Variants in ATP9B observed in about 807,000 individuals in gnomAD.
ATP9B encodes the protein ATPase phospholipid transporting 9B.
ATP9B carries 110 observed loss-of-function variants against 146.1 expected under a neutral mutation model. The observed-to-expected ratio is 0.75, with a 90% CI of 0.65 to 0.88. ATP9B has a LOEUF of 0.88. Ranked by LOEUF, ATP9B falls within the 40% of genes least tolerant of loss-of-function variation. The pLI is 0.00. For synonymous variants in ATP9B, 604 were observed against 569.7 expected, an observed-to-expected ratio of 1.06 and a Z score of -0.86; for missense variants, 1,499 against 1,496.4, an observed-to-expected ratio of 1.00 and a Z score of -0.03.
At chr18:79,211,653 A>T (rs1200306684) in intron 10 of ATP9B, among the ~76,000 whole-genome samples, 2 of 152,246 alleles carry the variant, frequency 1.3e-5, no homozygotes, top group Admixed American at 1.3e-4. Context: ...TTGAAGATTA[A>T]GTGCTCCTAA....
chr18:79,175,023 A>G (rs1271407269), intron 7 of ATP9B, among the ~76,000 whole-genome samples: 1 of 151,854 alleles, frequency 6.6e-6, no homozygotes, highest in Non-Finnish European at 1.5e-5. Context: ...ACATGGTGAA[A>G]CCCTGTCTCT....
In ATP9B at chr18:79,376,208, C is replaced by A. The variant is rs397842750; in HGVS notation, c.3307+782C>A. The stretch of plus-strand genomic sequence containing the variant: ...ACACACACACACACACACACACACA[C>A]ACACACAAAACAAAACAAAAAAATG... On this transcript the variant is annotated intron_variant, in intron 29 of 29. Transcript: ENST00000426216. 1.5e-3 allele frequency: 1,368 copies of A among 928,588 alleles called. 11 individuals are homozygous for A. The African/African-American group carries it at 0.019, about 13-fold the overall frequency. The allele number at this position is 928,588 out of a possible 1,614,324, so 57.5% of individuals were successfully genotyped here. A position where few individuals can be genotyped will look rare whatever the true frequency, so the allele number is the denominator to read the frequency against.
intron 7 of ATP9B, among the ~76,000 whole-genome samples, chr18:79,171,944 T>C (rs574900560): frequency 6.6e-6 from 1 of 152,004 alleles, no homozygotes; most frequent in East Asian, 1.9e-4. Flanking sequence ...GCTGGAGTGC[T>C]ATGGCGCGAT....
chr18:79,336,567 C>T, intron 17 of ATP9B, 61 bp from the exon 18 acceptor site: 8 of 1,509,596 alleles, frequency 5.3e-6, no homozygotes, highest in Non-Finnish European at 7.3e-6. Flanking sequence ...CTGCCCTGGC[C>T]CCACACACGG....
chr18:79,298,630 G>A (rs933081216), intron 13 of ATP9B, among the ~76,000 whole-genome samples: 1 of 147,030 alleles, frequency 6.8e-6, no homozygotes, highest in African/African-American at 2.5e-5. Flanking sequence ...GATAGCTGAA[G>A]TGACTTTGAC....
chr18:79,126,005 C>T (rs983697946), intron 4 of ATP9B, among the ~76,000 whole-genome samples: 4 of 152,026 alleles, frequency 2.6e-5, no homozygotes, highest in Admixed American at 1.3e-4. Flanking sequence ...CTTTGGGTTA[C>T]TAGGTATTTT....
At chr18:79,338,899 G>A (rs2096841549) in intron 19 of ATP9B, among the ~76,000 whole-genome samples, 1 of 152,232 alleles carries the variant, frequency 6.6e-6, no homozygotes, top group Non-Finnish European at 1.5e-5. Context: ...GAAGGACAGT[G>A]TCAGAAGTCA....
Position 79,337,294 on chromosome 18 carries a change from G to T in ATP9B, c.2128G>T (p.Ala710Ser). ...CTGTCCCCAGAGCCGATACACTCAA[G>T]CCAAGCTGAGCATGCACGACAGGTC... ...YQDFESRYTQAKLSMHDRSLK... is the reference protein window; with the variant it reads ...YQDFESRYTQSKLSMHDRSLK... The change falls in exon 19 of 30, where the codon GCC becomes TCC. Residue 710 changes from alanine to serine, a missense_variant. Transcript: ENST00000426216. 6.2e-7 allele frequency: 1 copy of T among 1,613,966 alleles called. No individual in the cohort carries two copies.
At chr18:79,217,657 G>A (rs1458256920) in intron 11 of ATP9B, among the ~76,000 whole-genome samples, 1 of 152,212 alleles carries the variant, frequency 6.6e-6, no homozygotes, top group African/African-American at 2.4e-5. Context: ...GGAAGCCTCG[G>A]TATTGATACA....
At chr18:79,236,662 A>T (rs1238081663) in intron 11 of ATP9B, among the ~76,000 whole-genome samples, 2 of 152,248 alleles carry the variant, frequency 1.3e-5, no homozygotes, top group Non-Finnish European at 2.9e-5. Context: ...CAGTTGACCC[A>T]GAAGTGATTG....
Position 79,083,867 on chromosome 18 carries a change from T to TC in ATP9B, c.120-12609_120-12608insC, listed in dbSNP as rs200399093. 8.8e-3 allele frequency among the ~76,000 whole-genome samples: 1,289 copies of TC among 145,874 alleles called. 20 individuals are homozygous for TC. The highest frequency in any genetic ancestry group is 0.031 in the African/African-American group (1,245 of 40,372). The stretch of plus-strand genomic sequence containing the variant: ...CTGTTCCTATTGACCATCTTCTTCT[T>TC]TTTTTTTTTTTTTTGAGAGGGAGTC... On this transcript the variant is annotated intron_variant, in intron 1 of 29. Transcript: ENST00000426216.
intron 13 of ATP9B, among the ~76,000 whole-genome samples, chr18:79,287,451 G>A (rs967085056): frequency 4.6e-5 from 7 of 152,168 alleles, no homozygotes; most frequent in Non-Finnish European, 7.3e-5. Flanking sequence ...ATTTCTGTGA[G>A]ATCGGTGGTG....
intron 11 of ATP9B, 67 bp downstream of exon 11, chr18:79,214,105 A>G: frequency 9.2e-7 from 1 of 1,087,384 alleles, no homozygotes; most frequent in Admixed American, 2.8e-5. Flanking sequence ...AAGTCTGCAT[A>G]GTTCTGAATA....
chr18:79,098,523 A>G (rs1285705334), intron 2 of ATP9B, among the ~76,000 whole-genome samples: 1 of 151,398 alleles, frequency 6.6e-6, no homozygotes, highest in Non-Finnish European at 1.5e-5. Flanking sequence ...AATGAACTCA[A>G]ACAAATTTAC....
intron 8 of ATP9B, among the ~76,000 whole-genome samples, chr18:79,190,964 T>C (rs1176218039): frequency 6.6e-6 from 1 of 152,196 alleles, no homozygotes; most frequent in African/African-American, 2.4e-5. Context: ...AAGATATGAG[T>C]TTCTGCCTGA....
rs192476514 is a variant in ATP9B at position 79,237,629 on chromosome 18, C to G, written c.1108-15752C>G. Among the ~76,000 whole-genome samples, 46 of 147,938 alleles carry G rather than the reference C, an allele frequency of 3.1e-4. No homozygotes were observed. In the East Asian group the frequency reaches 8.7e-3, roughly 28 times the overall value. Reference sequence around the variant, plus strand: ...TTCAATAATGTCTTATGATTGTTCTCTGTAGAGGTTGGTATACCTTTTGTT... The same window carrying G: ...TTCAATAATGTCTTATGATTGTTCTGTGTAGAGGTTGGTATACCTTTTGTT... On this transcript the variant is annotated intron_variant, in intron 11 of 29. Transcript: ENST00000426216.
intron 12 of ATP9B, chr18:79,254,721 C>T (rs1490097558): frequency 2.0e-5 from 3 of 152,780 alleles, no homozygotes; most frequent in Non-Finnish European, 2.9e-5. Flanking sequence ...TCTCCTCTCC[C>T]ACCACACTGC....
At position 79,252,337 on chromosome 18, in the gene ATP9B, G is replaced by A. The variant is rs552283758; in HGVS notation, c.1108-1044G>A. 1.4e-4 allele frequency among the ~76,000 whole-genome samples: 21 copies of A among 152,340 alleles called. No individual in the cohort carries two copies. The South Asian group carries it at 4.1e-3, about 30-fold the overall frequency. ...GTTATGCCGCTAAGTGGCAGGGCCA[G>A]CATCTAAATTAGCCTAAATCCAGAG... On this transcript the variant is annotated intron_variant, in intron 11 of 29. Transcript: ENST00000426216.
intron 29 of ATP9B, chr18:79,375,915 T>C (rs1435265216): frequency 1.0e-6 from 1 of 985,288 alleles, no homozygotes; most frequent in African/African-American, 1.7e-5. Flanking sequence ...AGATTCGAAG[T>C]ATGTAAATCT....
Sources: gnomAD v4.1 joint callset for allele counts (sites outside exome capture counted in the v4.1 genomes callset) on GRCh38, gnomAD v4.1.1 for gene constraint, MANE v1.5 for transcripts, NCBI Gene and HGNC (gene_info 2026-07-23, HGNC 2026-07-21) for gene names.